Variants in CADM2 observed in about 807,000 individuals in gnomAD.
CADM2 encodes the protein immunoglobulin superfamily member 4D.
In CADM2, 12 loss-of-function variants were observed where a neutral mutation model predicts 49.8. The ratio of observed to expected loss-of-function variants is 0.24; its 90% CI spans 0.15 to 0.39. CADM2 has a LOEUF of 0.39. Among genes scored for constraint, CADM2 ranks in the 10% least tolerant of loss-of-function variants. The probability of loss-of-function intolerance (pLI) is 1.00; values close to 1 mark genes in which losing one functional copy is unlikely to be tolerated. For synonymous variants in CADM2, 214 were observed against 175.4 expected (o/e 1.22, Z -1.74); for missense variants, 378 against 492.3 (o/e 0.77, Z 2.20).
At chr3:85,359,666 A>ATATATATATATTTTTT in intron 1 of CADM2, among the ~76,000 whole-genome samples, 32 of 26,540 alleles carry the variant, frequency 1.2e-3, no homozygotes, top group South Asian at 4.2e-3. Flanking sequence ...ATATATATAT[A>ATATATATATATTTTTT]TTTTTTTTTT....
At chr3:85,753,306 A>G (rs975751194) in intron 2 of CADM2, among the ~76,000 whole-genome samples, 2 of 152,160 alleles carry the variant, frequency 1.3e-5, no homozygotes, top group Non-Finnish European at 2.9e-5. Flanking sequence ...TGGAAGAGGC[A>G]AAAAGAAGAA....
At chr3:85,995,530 C>A (rs138104457) in intron 8 of CADM2, among the ~76,000 whole-genome samples, 8 of 152,106 alleles carry the variant, frequency 5.3e-5, no homozygotes, top group African/African-American at 1.9e-4. Flanking sequence ...AAAGAAGCAG[C>A]CTTCAAAGCC....
chr3:85,759,034 G>C (rs2069248460), intron 2 of CADM2, among the ~76,000 whole-genome samples: 1 of 151,920 alleles, frequency 6.6e-6, no homozygotes, highest in Non-Finnish European at 1.5e-5. Flanking sequence ...GCACATGTAG[G>C]TCCAGCTATT....
intron 1 of CADM2, among the ~76,000 whole-genome samples, chr3:85,671,835 T>C (rs2065745485): frequency 1.3e-5 from 2 of 152,312 alleles, no homozygotes; most frequent in South Asian, 4.1e-4. Context: ...TTAGCATCAC[T>C]CAGTATTCTC....
chr3:85,821,063 A>T (rs1283764160), intron 3 of CADM2, among the ~76,000 whole-genome samples: 1 of 152,148 alleles, frequency 6.6e-6, no homozygotes, highest in Non-Finnish European at 1.5e-5. Context: ...TCATCCTTTG[A>T]TGAGTACCTA....
At chr3:85,530,321 C>CTTT (rs2061270952) in intron 1 of CADM2, among the ~76,000 whole-genome samples, 10 of 119,058 alleles carry the variant, frequency 8.4e-5, no homozygotes, top group South Asian at 2.6e-4. Flanking sequence ...TTCTTTTCTC[C>CTTT]GTTTTTTTTT....
chr3:85,963,522 A>G (rs546640303), intron 8 of CADM2, among the ~76,000 whole-genome samples: 2 of 151,926 alleles, frequency 1.3e-5, no homozygotes, highest in South Asian at 4.1e-4. Flanking sequence ...GATTCACCTT[A>G]ATTTTCCAAG....
chr3:85,443,028 T>C (rs1240873459), intron 1 of CADM2, among the ~76,000 whole-genome samples: 1 of 152,042 alleles, frequency 6.6e-6, no homozygotes, highest in Non-Finnish European at 1.5e-5. Flanking sequence ...CCTAAGTTAT[T>C]TTAGTCAAAC....
At chr3:85,345,256 A>G (rs551590798) in intron 1 of CADM2, among the ~76,000 whole-genome samples, 303 of 131,286 alleles carry the variant, frequency 2.3e-3, no homozygotes, top group Middle Eastern at 8.5e-3. Context: ...AGAGGCTGCA[A>G]TGAGCTGAGA....
At chr3:85,571,513 T>TA (rs1025826080) in intron 1 of CADM2, among the ~76,000 whole-genome samples, 6 of 152,194 alleles carry the variant, frequency 3.9e-5, no homozygotes, top group East Asian at 1.9e-4. Flanking sequence ...AATTATTGGA[T>TA]AAAAAAAGAA....
At chr3:85,700,352 G>A (rs1577113909) in intron 1 of CADM2, among the ~76,000 whole-genome samples, 1 of 152,142 alleles carries the variant, frequency 6.6e-6, no homozygotes, top group Non-Finnish European at 1.5e-5. Flanking sequence ...GGGGACTAGG[G>A]GAGGGATATC....
At chr3:84,986,176 A>T (rs2032538941) in intron 1 of CADM2, among the ~76,000 whole-genome samples, 1 of 152,220 alleles carries the variant, frequency 6.6e-6, no homozygotes, top group African/African-American at 2.4e-5. Context: ...AGTTTAAGTG[A>T]ACTGGGTTTT....
chr3:85,080,750 G>T (rs1319382919), intron 1 of CADM2, among the ~76,000 whole-genome samples: 1 of 151,254 alleles, frequency 6.6e-6, no homozygotes, highest in African/African-American at 2.4e-5. Flanking sequence ...ACCTATCCTT[G>T]TATTATTCCT....
chr3:84,993,585 A>G (rs2033013203), intron 1 of CADM2, among the ~76,000 whole-genome samples: 3 of 152,182 alleles, frequency 2.0e-5, no homozygotes, highest in Admixed American at 2.0e-4. Context: ...GCAGAAAGTC[A>G]AAAGGGTTTG....
intron 1 of CADM2, among the ~76,000 whole-genome samples, chr3:85,703,305 C>T (rs749663416): frequency 1.3e-5 from 2 of 151,968 alleles, no homozygotes; most frequent in Non-Finnish European, 2.9e-5. Context: ...GACTGCTTTC[C>T]CTGTCTCACT....
intron 1 of CADM2, among the ~76,000 whole-genome samples, chr3:85,059,043 T>A (rs2036200169): frequency 6.6e-6 from 1 of 151,866 alleles, no homozygotes. Context: ...ATTGACACCA[T>A]CCTGCCTAAC....
intron 8 of CADM2, among the ~76,000 whole-genome samples, chr3:86,045,243 G>T (rs1303806242): frequency 6.6e-6 from 1 of 151,850 alleles, no homozygotes; most frequent in Non-Finnish European, 1.5e-5. Context: ...AAATATATAG[G>T]TACAGCAAAT....
chr3:85,272,088 A>AT (rs947842807), intron 1 of CADM2, among the ~76,000 whole-genome samples: 10 of 150,878 alleles, frequency 6.6e-5, no homozygotes, highest in Admixed American at 2.0e-4. Context: ...TATTTTATAG[A>AT]TAAAAAAAAA....
At chr3:85,061,778 C>T (rs749358486) in intron 1 of CADM2, among the ~76,000 whole-genome samples, 18 of 151,930 alleles carry the variant, frequency 1.2e-4, no homozygotes, top group Non-Finnish European at 2.2e-4. Context: ...TATTTGTGTT[C>T]GGTATTGCAA....
Sources: gnomAD v4.1 joint callset for allele counts (sites outside exome capture counted in the v4.1 genomes callset) on GRCh38, gnomAD v4.1.1 for gene constraint, MANE v1.5 for transcripts, NCBI Gene and HGNC (gene_info 2026-07-23, HGNC 2026-07-21) for gene names.